The following PTPRD variants were observed in gnomAD, a reference collection of about 807,000 sequenced individuals.
PTPRD encodes protein tyrosine phosphatase receptor type D, also known as receptor-type tyrosine-protein phosphatase delta.
Under a neutral mutation model 214.5 loss-of-function variants are expected in PTPRD, and 34 were observed. The ratio of observed to expected loss-of-function variants is 0.16; its 90% CI spans 0.12 to 0.21. The LOEUF (loss-of-function observed/expected upper bound fraction) is 0.21. PTPRD is among the 10% of genes least tolerant of loss of function. PTPRD has a pLI of 1.00. For missense variants in PTPRD, 2,545 were observed against 2,398.7 expected, an observed-to-expected ratio of 1.06 and a Z score of -1.27; for synonymous variants, 1,128 against 845.7, an observed-to-expected ratio of 1.33 and a Z score of -5.79.
chr9:8,464,588 A>T (rs946815048), intron 32 of PTPRD, among the ~76,000 whole-genome samples: 1 of 151,966 alleles, frequency 6.6e-6, no homozygotes, highest in Non-Finnish European at 1.5e-5. Context: ...TGACTGGCTC[A>T]ACTGGGTTGC....
intron 20 of PTPRD, among the ~76,000 whole-genome samples, chr9:8,520,547 TA>T (rs1255595220): frequency 1.3e-5 from 2 of 152,160 alleles, no homozygotes; most frequent in Non-Finnish European, 2.9e-5. Flanking sequence ...GCAGAAAACT[TA>T]AGTTGCCCTA....
intron 21 of PTPRD, among the ~76,000 whole-genome samples, chr9:8,510,486 G>A (rs1032851369): frequency 3.3e-5 from 5 of 152,226 alleles, no homozygotes; most frequent in Admixed American, 6.5e-5. Flanking sequence ...AAATGTGGGC[G>A]CACTCTTGTC....
intron 8 of PTPRD, among the ~76,000 whole-genome samples, chr9:9,476,209 C>T (rs1325686509): frequency 1.3e-5 from 2 of 152,102 alleles, no homozygotes; most frequent in Non-Finnish European, 2.9e-5. Context: ...CCTAGTGTGT[C>T]TATCTCTTCT....
At chr9:10,142,238 C>A (rs1042314902) in intron 3 of PTPRD, among the ~76,000 whole-genome samples, 1 of 151,180 alleles carries the variant, frequency 6.6e-6, no homozygotes, top group Non-Finnish European at 1.5e-5. Context: ...TCTAAAACAC[C>A]AAAAGCAATG....
chr9:9,095,140 A>C (rs2099781700), intron 10 of PTPRD, among the ~76,000 whole-genome samples: 1 of 152,196 alleles, frequency 6.6e-6, no homozygotes, highest in Non-Finnish European at 1.5e-5. Flanking sequence ...AAAACCCTAT[A>C]GCTAATTTCA....
intron 10 of PTPRD, among the ~76,000 whole-genome samples, chr9:9,135,779 A>G (rs2099849878): frequency 6.6e-6 from 1 of 152,028 alleles, no homozygotes; most frequent in African/African-American, 2.4e-5. Context: ...ATACTTTTTA[A>G]TAGTTTAAAG....
intron 3 of PTPRD, among the ~76,000 whole-genome samples, chr9:10,142,063 C>T (rs1355869622): frequency 6.6e-6 from 1 of 151,870 alleles, no homozygotes; most frequent in Non-Finnish European, 1.5e-5. Context: ...GGAAAACTGG[C>T]TAGCCATATG....
intron 2 of PTPRD, among the ~76,000 whole-genome samples, chr9:10,368,887 T>G (rs1345970239): frequency 1.3e-5 from 2 of 152,126 alleles, no homozygotes; most frequent in Non-Finnish European, 2.9e-5. Context: ...GTGATTTTCT[T>G]GAGCTTAAAA....
chr9:8,617,396 C>T (rs78205118), intron 14 of PTPRD, among the ~76,000 whole-genome samples: 12,906 of 152,062 alleles, frequency 0.085, 675 homozygotes, highest in East Asian at 0.17. Flanking sequence ...TGGAGAAATG[C>T]TTATAACTCT....
In PTPRD at chr9:8,340,397, C is replaced by A. The variant is rs1185699346; in HGVS notation, c.5199G>T (p.Trp1733Cys). 1.2e-6 allele frequency: 2 copies of A among 1,610,832 alleles called. No individual in the cohort carries two copies. Among genetic ancestry groups the A allele is most frequent in the South Asian group, 1.1e-5 (1 of 90,770 alleles). ...TCACAACTATGGTGGAATTGTGTTC[C>A]CAGAGCATCCGCCAGAAGTCTTCAG... ...ETTEDFWRML[W>C]EHNSTIVVML... is the part of the protein sequence containing the mutation. Residue 1733 changes from tryptophan (W) to cysteine (C), a missense_variant, in exon 42 of 46, where the codon TGG becomes TGT. Physicochemically the swap from Trp to Cys is radical, Grantham distance 215. Coordinates refer to ENST00000381196, the MANE Select transcript of PTPRD (RefSeq NM_002839.4).
chr9:9,908,886 G>C (rs2078383660), intron 5 of PTPRD, among the ~76,000 whole-genome samples: 1 of 151,822 alleles, frequency 6.6e-6, no homozygotes, highest in Admixed American at 6.6e-5. Flanking sequence ...CACTTCTTTG[G>C]AGTTTAATGG....
At chr9:9,246,386 T>C (rs4400446) in intron 9 of PTPRD, among the ~76,000 whole-genome samples, 149,100 of 152,150 alleles carry the variant, frequency 0.98, 73,125 homozygotes, top group Middle Eastern at 1. Context: ...ATCACCAGAT[T>C]AGCTTATACA....
chr9:8,776,916 G>A (rs1385358681), intron 11 of PTPRD, among the ~76,000 whole-genome samples: 1 of 71,790 alleles, frequency 1.4e-5, no homozygotes, highest in African/African-American at 6.2e-5. Context: ...TATAATATAT[G>A]TATAATATAT....
intron 2 of PTPRD, among the ~76,000 whole-genome samples, chr9:10,507,782 T>C (rs760032704): frequency 2.6e-5 from 4 of 152,140 alleles, no homozygotes; most frequent in Non-Finnish European, 2.9e-5. Context: ...TCCTTATGCC[T>C]TGTGCAAAAA....
intron 9 of PTPRD, among the ~76,000 whole-genome samples, chr9:9,339,161 G>A (rs1421605532): frequency 6.6e-6 from 1 of 152,056 alleles, no homozygotes; most frequent in Non-Finnish European, 1.5e-5. Context: ...AATTTTTCAT[G>A]TTAATAGAGG....
intron 8 of PTPRD, among the ~76,000 whole-genome samples, chr9:9,402,957 T>C (rs1448349105): frequency 4.3e-5 from 3 of 70,524 alleles, no homozygotes; most frequent in African/African-American, 1.8e-4. Context: ...AACATTTGTC[T>C]AATAGGGAGA....
intron 30 of PTPRD, among the ~76,000 whole-genome samples, chr9:8,473,316 A>T (rs2096694952): frequency 3.3e-5 from 5 of 152,138 alleles, no homozygotes. Flanking sequence ...TCTGCGTATG[A>T]CAGAGACCAA....
At chr9:9,575,440 G>A (rs1220847977) in intron 7 of PTPRD, among the ~76,000 whole-genome samples, 5 of 151,914 alleles carry the variant, frequency 3.3e-5, no homozygotes, top group Non-Finnish European at 7.4e-5. Context: ...AGTTACTGAG[G>A]CCAGGTGCGG....
intron 11 of PTPRD, among the ~76,000 whole-genome samples, chr9:9,001,209 G>T (rs981614398): frequency 6.6e-6 from 1 of 151,898 alleles, no homozygotes; most frequent in African/African-American, 2.4e-5. Context: ...CTAGGTCCTG[G>T]GGTTGCAGCA....
Sources: allele counts gnomAD v4.1 joint callset (sites outside exome capture counted in the v4.1 genomes callset), GRCh38; gene constraint gnomAD v4.1.1; transcripts MANE v1.5; gene names NCBI Gene and HGNC (gene_info 2026-07-23, HGNC 2026-07-21).